Variants in PDE1A observed in about 807,000 individuals in gnomAD.
PDE1A encodes the protein dual specificity calcium/calmodulin-dependent 3',5'-cyclic nucleotide phosphodiesterase 1A.
Under a neutral mutation model 61.7 loss-of-function variants are expected in PDE1A, and 35 were observed. That is an observed-to-expected ratio of 0.57 (90% CI 0.43 to 0.75). PDE1A has a LOEUF of 0.75. Among genes scored for constraint, PDE1A ranks in the 30% least tolerant of loss-of-function variants. PDE1A has a pLI of 0.00. For synonymous variants in PDE1A, 232 were observed against 213.2 expected, an observed-to-expected ratio of 1.09 and a Z score of -0.77; for missense variants, 597 against 630.6, an observed-to-expected ratio of 0.95 and a Z score of 0.57.
chr2:182,381,551 C>T (rs1046447434), intron 1 of PDE1A, among the ~76,000 whole-genome samples: 4 of 152,150 alleles, frequency 2.6e-5, no homozygotes, highest in African/African-American at 9.7e-5. Flanking sequence ...CGGTGGCTCA[C>T]GCCTATAATC....
chr2:182,332,765 T>G (rs1697503563), intron 1 of PDE1A, among the ~76,000 whole-genome samples: 1 of 152,020 alleles, frequency 6.6e-6, no homozygotes, highest in Admixed American at 6.6e-5. Context: ...AGCTCTCCTG[T>G]ATGAGGTGTT....
the PDE1A span, among the ~76,000 whole-genome samples, chr2:182,677,306 T>TTTTTA: frequency 1.3e-5 from 2 of 152,044 alleles, no homozygotes; most frequent in Non-Finnish European, 2.9e-5. Context: ...CCATTCACAA[T>TTTTTA]TGCCATAAAA....
In PDE1A at chr2:182,223,857, G is replaced by A. The variant is rs3754929; in HGVS notation, c.776+7C>T. The A allele has an allele frequency of 0.67, 1,019,726 of 1,519,524 alleles. 343,860 individuals are homozygous for A. The highest frequency in any genetic ancestry group is 0.77 in the Middle Eastern group (4,521 of 5,856). The allele number at this position is 1,519,524 out of a possible 1,614,324, so 94.1% of individuals were successfully genotyped here. A position where few individuals can be genotyped will look rare whatever the true frequency, so the allele number is the denominator to read the frequency against. On this transcript the variant is annotated splice_region_variant and intron_variant, in intron 7 of 13. Coordinates refer to ENST00000351439, the Ensembl canonical transcript of PDE1A. ...ACTAATGAAAGTTAATACTTTTTCAGACTTACCTTGTCTGAATGTGAAAGT... is the reference window on the plus strand; with the variant it reads ...ACTAATGAAAGTTAATACTTTTTCAAACTTACCTTGTCTGAATGTGAAAGT...
intron 2 of PDE1A, among the ~76,000 whole-genome samples, chr2:182,515,007 T>A (rs1174752386): frequency 6.6e-6 from 1 of 152,194 alleles, no homozygotes. Flanking sequence ...AAAGCTGATA[T>A]TTTGATTTTC....
chr2:182,511,765 C>T (rs1482766719), intron 2 of PDE1A, among the ~76,000 whole-genome samples: 2 of 152,160 alleles, frequency 1.3e-5, no homozygotes, highest in African/African-American at 4.8e-5. Flanking sequence ...CTTGCTTGGA[C>T]ACACCCATTT....
chr2:182,199,098 T>C lies in PDE1A; in HGVS notation c.1125+2341A>G, dbSNP rs182493043. Among the ~76,000 whole-genome samples the C allele has an allele frequency of 2.6e-5, 4 of 152,116 alleles. No individual in the cohort carries two copies. In the East Asian group the frequency reaches 7.7e-4, roughly 29 times the overall value. ...TGGTAATTTATATCTGTCAAAAATT[T>C]TGACAATTTCATCTAAGTTTTCAAT... On this transcript the variant is annotated intron_variant, in intron 10 of 13. Coordinates refer to ENST00000351439, the Ensembl canonical transcript of PDE1A.
chr2:182,182,645 G>A (rs1197812343), intron 13 of PDE1A, among the ~76,000 whole-genome samples: 1 of 151,652 alleles, frequency 6.6e-6, no homozygotes, highest in Non-Finnish European at 1.5e-5. Context: ...CAAAGGTCAG[G>A]CACCACATTC....
At chr2:182,620,390 C>T in the PDE1A span, among the ~76,000 whole-genome samples, 1 of 152,116 alleles carries the variant, frequency 6.6e-6, no homozygotes, top group African/African-American at 2.4e-5. Context: ...TTGATTATAG[C>T]ATCTATAAAT....
chr2:182,283,358 C>T (rs902997840), intron 1 of PDE1A, among the ~76,000 whole-genome samples: 3 of 151,802 alleles, frequency 2.0e-5, no homozygotes, highest in Non-Finnish European at 2.9e-5. Context: ...GAATAGTCCA[C>T]CTTATCAATA....
chr2:182,625,716 G>A, the PDE1A span, among the ~76,000 whole-genome samples: 2 of 152,196 alleles, frequency 1.3e-5, no homozygotes, highest in Non-Finnish European at 2.9e-5. Context: ...TTGCTTTTAA[G>A]TTGTCAGTAT....
At chr2:182,423,429 G>C (rs1348125015) in intron 1 of PDE1A, among the ~76,000 whole-genome samples, 1 of 152,136 alleles carries the variant, frequency 6.6e-6, no homozygotes, top group Non-Finnish European at 1.5e-5. Flanking sequence ...ATCGTAGCCA[G>C]CTACAAAATT....
chr2:182,573,857 TTATATATACATATGTATATATATTAA>T, the PDE1A span, among the ~76,000 whole-genome samples: 1 of 144,162 alleles, frequency 6.9e-6, no homozygotes, highest in East Asian at 2.0e-4. Context: ...ATTTATATAT[TTATATATACATATGTATATATATTAA>T]TATATATACA....
chr2:182,344,745 C>G (rs1264142365), intron 1 of PDE1A, among the ~76,000 whole-genome samples: 1 of 95,280 alleles, frequency 1.0e-5, no homozygotes, highest in Non-Finnish European at 2.0e-5. Context: ...CTGTCTCTCT[C>G]TCTCTCACAC....
intron 2 of PDE1A, among the ~76,000 whole-genome samples, chr2:182,507,872 C>G (rs1260856066): frequency 6.6e-6 from 1 of 151,688 alleles, no homozygotes; most frequent in Non-Finnish European, 1.5e-5. Context: ...AATCCATATA[C>G]TAGCCATCTC....
At chr2:182,685,397 CA>C in the PDE1A span, among the ~76,000 whole-genome samples, 2 of 152,066 alleles carry the variant, frequency 1.3e-5, no homozygotes, top group African/African-American at 4.8e-5. Context: ...TACTCATTCT[CA>C]TTATTGAAAA....
At chr2:182,143,644 T>G (rs947678084), downstream of PDE1A, among the ~76,000 whole-genome samples, 6 of 151,712 alleles carry the variant, frequency 4.0e-5, no homozygotes, top group Non-Finnish European at 7.4e-5. Context: ...GCCTCCCGAG[T>G]AGCTGGGACT....
At chr2:182,704,136 G>A in the PDE1A span, among the ~76,000 whole-genome samples, 2 of 151,048 alleles carry the variant, frequency 1.3e-5, no homozygotes, top group East Asian at 1.9e-4. Context: ...GCTCGAATCC[G>A]GGGGGCAGAG....
the PDE1A span, among the ~76,000 whole-genome samples, chr2:182,633,282 C>G: frequency 6.6e-6 from 1 of 152,164 alleles, no homozygotes; most frequent in South Asian, 2.1e-4. Context: ...TCTGTGTAGT[C>G]AAATAGATTT....
At chr2:182,454,065 C>G (rs1685722584) in intron 2 of PDE1A, among the ~76,000 whole-genome samples, 1 of 151,780 alleles carries the variant, frequency 6.6e-6, no homozygotes, top group Non-Finnish European at 1.5e-5. Flanking sequence ...GCAACTTCAG[C>G]AAAGTCTCAG....
Sources: gnomAD v4.1 joint callset for allele counts (sites outside exome capture counted in the v4.1 genomes callset) on GRCh38, gnomAD v4.1.1 for gene constraint, MANE v1.5 for transcripts, NCBI Gene and HGNC (gene_info 2026-07-23, HGNC 2026-07-21) for gene names.